Variants in EXPH5 observed in about 807,000 individuals in gnomAD.
EXPH5 encodes exophilin-5.
EXPH5 carries 42 observed loss-of-function variants against 41.1 expected under a neutral mutation model. The ratio of observed to expected loss-of-function variants is 1.02; its 90% CI spans 0.80 to 1.32. EXPH5 has a LOEUF of 1.32. EXPH5 is among the 40% of genes most tolerant of loss of function. The pLI is 0.00. For missense variants in EXPH5, 2,298 were observed against 2,314.5 expected (o/e 0.99, Z 0.15); for synonymous variants, 798 against 833.5 (o/e 0.96, Z 0.73).
intron 1 of EXPH5, among the ~76,000 whole-genome samples, chr11:108,563,713 G>A (rs1454799566): frequency 2.0e-5 from 3 of 152,146 alleles, no homozygotes; most frequent in African/African-American, 4.8e-5. Flanking sequence ...GCCACCGTCC[G>A]GTTCAACCCT....
chr11:108,532,040 G>C (rs1229994226), intron 3 of EXPH5, among the ~76,000 whole-genome samples: 1 of 151,920 alleles, frequency 6.6e-6, no homozygotes, highest in Non-Finnish European at 1.5e-5. Context: ...AATATAAACT[G>C]AATCACGCCA....
Position 108,513,505 on chromosome 11 carries a change from T to C in EXPH5, c.2002A>G (p.Ser668Gly). ...PNKPASHPMRSHTEVTVTSSN... is the reference protein window; with the variant it reads ...PNKPASHPMRGHTEVTVTSSN... ...CTGGTCACAGTGACTTCTGTATGGC[T>C]TCTCATTGGATGAGAGGCAGGCTTA... The change falls in exon 6 of 6, where the codon AGC (serine) becomes GGC (glycine). Residue 668 changes from serine to glycine, a missense_variant. By Grantham distance (56) the Ser-to-Gly change is moderately conservative. Coordinates refer to ENST00000265843, the MANE Select transcript of EXPH5 (RefSeq NM_015065.3). 1 of 1,614,172 alleles carries C rather than the reference T, an allele frequency of 6.2e-7. No homozygotes were observed. The highest frequency in any genetic ancestry group is 8.5e-7 in the Non-Finnish European group (1 of 1,179,988).
chr11:108,560,123 G>T (rs896229770), intron 1 of EXPH5, among the ~76,000 whole-genome samples: 1 of 152,164 alleles, frequency 6.6e-6, no homozygotes, highest in African/African-American at 2.4e-5. Flanking sequence ...AGAAAGCTGA[G>T]GAAATGCCTG....
chr11:108,583,934 T>G (rs11212721), intron 1 of EXPH5, among the ~76,000 whole-genome samples: 9,802 of 152,040 alleles, frequency 0.064, 842 homozygotes, highest in African/African-American at 0.2. Flanking sequence ...TCTGCCCCCC[T>G]CAAAAAAGAA....
rs2093642440 is a variant in EXPH5, at chr11:108,506,023, A to T, written c.*3514T>A. On this transcript the variant is annotated 3_prime_UTR_variant, in exon 6 of 6. Coordinates refer to ENST00000265843, the MANE Select transcript of EXPH5 (RefSeq NM_015065.3). ...AACTTCATTAAACCCTATTTTAAAC[A>T]GACTTTACAGTATAAAATTTATGGT... The T allele has an allele frequency of 6.6e-6, 1 of 152,232 alleles. No individual in the cohort carries two copies. The highest frequency in any genetic ancestry group is 2.4e-5 in the African/African-American group (1 of 41,460). 9.4% of individuals were successfully genotyped at this position (152,232 alleles called of 1,614,324 possible).
At chr11:108,530,890 C>T (rs2093833445) in intron 3 of EXPH5, among the ~76,000 whole-genome samples, 1 of 151,900 alleles carries the variant, frequency 6.6e-6, no homozygotes, top group African/African-American at 2.4e-5. Flanking sequence ...GAGTATAGGA[C>T]TCAGCAGTTT....
intron 1 of EXPH5, among the ~76,000 whole-genome samples, chr11:108,551,649 C>T (rs148533093): frequency 6.6e-5 from 10 of 152,194 alleles, no homozygotes; most frequent in Non-Finnish European, 1.5e-4. Context: ...GGCAGCTAAG[C>T]ACCCCAATCT....
intron 4 of EXPH5, among the ~76,000 whole-genome samples, chr11:108,524,813 T>C (rs2093787431): frequency 6.6e-6 from 1 of 152,348 alleles, no homozygotes; most frequent in East Asian, 1.9e-4. Flanking sequence ...TCCACCAATG[T>C]AGCTGCAACT....
Position 108,512,363 on chromosome 11 carries a change from C to A in EXPH5, c.3144G>T (p.Gly1048=), listed in dbSNP as rs760248145. The A allele has an allele frequency of 2.0e-5, 33 of 1,610,714 alleles. No homozygotes were observed. Among genetic ancestry groups the A allele is most frequent in the Non-Finnish European group, 2.8e-5 (33 of 1,178,806 alleles). Residue 1048 remains glycine, a synonymous_variant, in exon 6 of 6, where the codon GGG becomes GGT. Transcript: ENST00000265843. ...SKIMAASLRN[G]PPPFQIKNNV... ...TATTTTTGATTTGGAAGGGAGGTGGCCCATTCCTCAATGAAGCAGCCATTA... is the reference window on the plus strand; with the variant it reads ...TATTTTTGATTTGGAAGGGAGGTGGACCATTCCTCAATGAAGCAGCCATTA...
rs2093665218 is a variant in EXPH5 at position 108,509,878 on chromosome 11, C to T, written c.5629G>A (p.Ala1877Thr). Residue 1877 changes from alanine to threonine, a missense_variant, in exon 6 of 6, where the codon GCA (alanine) becomes ACA (threonine). By Grantham distance (58) the Ala-to-Thr change is moderately conservative. Coordinates refer to ENST00000265843, the MANE Select transcript of EXPH5 (RefSeq NM_015065.3). ...TCGATAGGTCTGTATATAGATATTG[C>T]AGACCTGGGACCTGTTTTTGTCCCG... ...RSGTKTGPRS[A>T]ISIYRPIDYG... The T allele has an allele frequency of 2.5e-6, 4 of 1,609,526 alleles. No individual in the cohort carries two copies. The highest frequency in any genetic ancestry group is 1.7e-6 in the Non-Finnish European group (2 of 1,178,620).
chr11:108,552,233 G>A (rs2093969418), intron 1 of EXPH5: 1 of 152,116 alleles, frequency 6.6e-6, no homozygotes, highest in Non-Finnish European at 1.5e-5. Flanking sequence ...TCTCCCTGTT[G>A]ATCTTCTGAA....
intron 5 of EXPH5, among the ~76,000 whole-genome samples, chr11:108,516,537 A>C (rs2093728153): frequency 6.6e-6 from 1 of 152,246 alleles, no homozygotes; most frequent in African/African-American, 2.4e-5. Context: ...CAATAAATAC[A>C]AATAAATTAC....
chr11:108,560,237 G>T (rs897747198), intron 1 of EXPH5, among the ~76,000 whole-genome samples: 5 of 152,194 alleles, frequency 3.3e-5, no homozygotes, highest in Admixed American at 1.3e-4. Context: ...TCTGCTTCAG[G>T]ATTCCCTCAC....
At position 108,514,870 on chromosome 11, in the gene EXPH5, C is replaced by T. The variant is rs966471903; in HGVS notation, c.637G>A (p.Asp213Asn). Residue 213 changes from aspartate (D) to asparagine (N), a missense_variant, in exon 6 of 6, where the codon GAT becomes AAT. Asp to Asn is a conservative substitution (Grantham distance 23, BLOSUM62 1). Transcript: ENST00000265843. Reference protein sequence around the residue: ...LLENEFFQVLDDLDSKLAQEQ... With the variant: ...LLENEFFQVLNDLDSKLAQEQ... The stretch of plus-strand genomic sequence containing the variant: ...TGAGCCAATTTGCTATCCAAGTCAT[C>T]TAAAACTGAAAAGAGAATGTGAATC... 2 of 1,436,208 alleles carry T rather than the reference C, an allele frequency of 1.4e-6. No individual in the cohort carries two copies. The highest frequency in any genetic ancestry group is 1.8e-6 in the Non-Finnish European group (2 of 1,094,070). 89.0% of individuals were successfully genotyped at this position (1,436,208 alleles called of 1,614,324 possible). A position where few individuals can be genotyped will look rare whatever the true frequency, so the allele number is the denominator to read the frequency against.
chr11:108,535,373 C>A (rs1383577565), intron 3 of EXPH5, among the ~76,000 whole-genome samples: 1 of 152,178 alleles, frequency 6.6e-6, no homozygotes, highest in Non-Finnish European at 1.5e-5. Flanking sequence ...CTTGCCACCA[C>A]AATGCTGCCT....
At chr11:108,538,225 T>C (rs1236553972) in intron 3 of EXPH5, 33 of 985,436 alleles carry the variant, frequency 3.3e-5, no homozygotes, top group Non-Finnish European at 3.7e-5. Context: ...CAATACACCG[T>C]GTGGTTTGAC....
upstream of EXPH5, among the ~76,000 whole-genome samples, chr11:108,596,119 C>A (rs550730515): frequency 6.6e-6 from 1 of 151,252 alleles, no homozygotes; most frequent in Non-Finnish European, 1.5e-5. Flanking sequence ...CGCTTGAACC[C>A]GGGAGGCGGA....
Position 108,544,015 on chromosome 11 carries a change from C to T in EXPH5, c.120-2203G>A, listed in dbSNP as rs79328851. On this transcript the variant is annotated intron_variant, in intron 1 of 5. Transcript: ENST00000265843. ...TACACAACCTCCACTTCCTTGGAGCCCTCGCTAATTGTCAGTTCCCCAAAA... is the reference window on the plus strand; with the variant it reads ...TACACAACCTCCACTTCCTTGGAGCTCTCGCTAATTGTCAGTTCCCCAAAA... 1.2e-4 allele frequency among the ~76,000 whole-genome samples: 19 copies of T among 152,258 alleles called. 1 individual carries two copies. In the East Asian group the frequency reaches 3.7e-3, roughly 29 times the overall value.
Position 108,514,548 on chromosome 11 carries a change from G to GC in EXPH5, c.958_959insG (p.Ser320CysfsTer5), listed in dbSNP as rs1565781820. 1 of 1,613,916 alleles carries GC rather than the reference G, an allele frequency of 6.2e-7. No individual in the cohort carries two copies. The highest frequency in any genetic ancestry group is 8.5e-7 in the Non-Finnish European group (1 of 1,179,902). On this transcript the variant is annotated frameshift_variant, in exon 6 of 6. Transcript: ENST00000265843. LOFTEE classifies it low-confidence loss of function (END_TRUNC). ...CCGTTGCCTGCTGTCAAAACACAGCGAAGTACTGCCAAAAGTATTCTTTTG... is the reference window on the plus strand; with the variant it reads ...CCGTTGCCTGCTGTCAAAACACAGCGCAAGTACTGCCAAAAGTATTCTTTTG...
Sources: gnomAD v4.1 joint callset for allele counts (sites outside exome capture counted in the v4.1 genomes callset) on GRCh38, gnomAD v4.1.1 for gene constraint, MANE v1.5 for transcripts, NCBI Gene and HGNC (gene_info 2026-07-23, HGNC 2026-07-21) for gene names.